The following POC1B variants were observed in gnomAD, a reference collection of about 807,000 sequenced individuals.
POC1B encodes POC1 centriolar protein B, also known as POC1 centriolar protein homolog B.
A neutral mutation model predicts 60.6 loss-of-function variants in POC1B; 44 were observed. The observed-to-expected ratio is 0.73, with a 90% CI of 0.57 to 0.93. The LOEUF (loss-of-function observed/expected upper bound fraction) is 0.93. POC1B is among the 40% of genes least tolerant of loss of function. POC1B has a pLI of 0.00. For missense variants in POC1B, 555 were observed against 572.3 expected (o/e 0.97, Z 0.31); for synonymous variants, 180 against 198.9 (o/e 0.90, Z 0.80).
chr12:89,502,379 A>T lies in POC1B; in HGVS notation c.101-5037T>A, dbSNP rs189404280. 3 of 1,592,498 alleles carry T rather than the reference A, an allele frequency of 1.9e-6. No homozygotes were observed. The Admixed American group carries it at 5.0e-5, about 27-fold the overall frequency. On this transcript the variant is annotated intron_variant, in intron 2 of 11. Coordinates refer to ENST00000313546, the MANE Select transcript of POC1B (RefSeq NM_172240.3). ...GAGTACTGGCGAGGACAGCAAATAG[A>T]TTATCAAGGAAGGCCATCAGGAGGA...
At position 89,467,700 on chromosome 12, in the gene POC1B, G is replaced by C. The variant is rs747455460; in HGVS notation, c.811-15C>G. On this transcript the variant is annotated splice_polypyrimidine_tract_variant and intron_variant, in intron 7 of 11. Transcript: ENST00000313546. ...AAGACAGGTCCCTGAGAAATAAAGG[G>C]AAATAAAGAAAAAAAGTACTTGGTA... 5.7e-6 allele frequency: 9 copies of C among 1,589,686 alleles called. No individual in the cohort carries two copies. The highest frequency in any genetic ancestry group is 1.3e-5 in the African/African-American group (1 of 74,284).
chr12:89,473,726 G>A (rs1882999355), intron 4 of POC1B, among the ~76,000 whole-genome samples: 1 of 149,828 alleles, frequency 6.7e-6, no homozygotes, highest in Non-Finnish European at 1.5e-5. Flanking sequence ...TTTCCATGCT[G>A]GGTAGTTTAC....
downstream of POC1B, among the ~76,000 whole-genome samples, chr12:89,415,672 TAAC>T (rs1189877360): frequency 4.6e-5 from 7 of 151,770 alleles, no homozygotes; most frequent in Non-Finnish European, 8.8e-5. Context: ...AAGAAAATAA[TAAC>T]AACAATAGCT....
intron 10 of POC1B, among the ~76,000 whole-genome samples, chr12:89,459,119 T>A (rs748809412): frequency 3.3e-5 from 5 of 152,112 alleles, no homozygotes; most frequent in Non-Finnish European, 7.4e-5. Context: ...CAATAGGGAA[T>A]CTGCTCTGCA....
At chr12:89,491,422 G>C (rs1426914188) in intron 4 of POC1B, among the ~76,000 whole-genome samples, 1 of 151,910 alleles carries the variant, frequency 6.6e-6, no homozygotes, top group African/African-American at 2.4e-5. Context: ...TGAGGAGTTT[G>C]AGACCAGCTT....
chr12:89,518,029 C>T (rs1476421397), intron 2 of POC1B, among the ~76,000 whole-genome samples: 4 of 151,378 alleles, frequency 2.6e-5, no homozygotes, highest in East Asian at 1.9e-4. Context: ...AAGCTTGGCA[C>T]GAATGAAAAA....
intron 10 of POC1B, 105 bp downstream of exon 10, chr12:89,459,533 G>A: frequency 1.8e-6 from 1 of 551,526 alleles, no homozygotes; most frequent in Non-Finnish European, 2.9e-6. Flanking sequence ...GGCTACATAG[G>A]CCACGTTTTA....
rs1460241420 is a variant in POC1B, at chr12:89,470,428, G to A, written c.743C>T (p.Ser248Leu). 1.2e-6 allele frequency: 2 copies of A among 1,606,638 alleles called. No individual in the cohort carries two copies. Among genetic ancestry groups the A allele is most frequent in the Admixed American group, 1.7e-5 (1 of 59,976 alleles). Reference sequence around the variant, plus strand: ...GTCCAGAATCTTAAGGGTACCATCTGAAGAAGCTGTGATGAGATAGTTACC... The same window carrying A: ...GTCCAGAATCTTAAGGGTACCATCTAAAGAAGCTGTGATGAGATAGTTACC... ...PSGNYLITAS[S>L]DGTLKILDLL... is the part of the protein sequence containing the mutation. Residue 248 changes from serine (S) to leucine (L), a missense_variant, in exon 7 of 12, where the codon TCA becomes TTA. Transcript: ENST00000313546.
At chr12:89,520,581 T>A (rs1240366584) in intron 2 of POC1B, 3 of 152,204 alleles carry the variant, frequency 2.0e-5, no homozygotes, top group African/African-American at 7.2e-5. Flanking sequence ...TGATAAACTT[T>A]AAGGCTGCTA....
At chr12:89,518,550 T>C (rs1870588668) in intron 2 of POC1B, among the ~76,000 whole-genome samples, 1 of 140,622 alleles carries the variant, frequency 7.1e-6, no homozygotes, top group Admixed American at 7.1e-5. Flanking sequence ...ACATTTAGTC[T>C]TTTAAAGTAC....
At chr12:89,512,611 C>A (rs114389212) in intron 2 of POC1B, among the ~76,000 whole-genome samples, 2,605 of 152,168 alleles carry the variant, frequency 0.017, 88 homozygotes, top group African/African-American at 0.06. Context: ...AAAAAATTAC[C>A]TGGGTTTCGT....
rs185360385 is a variant in POC1B at position 89,423,365 on chromosome 12, T to C, written c.1332+1796A>G. 6.8e-3 allele frequency among the ~76,000 whole-genome samples: 1,038 copies of C among 152,302 alleles called. 12 individuals are homozygous for C. The highest frequency in any genetic ancestry group is 0.024 in the African/African-American group (983 of 41,562). On this transcript the variant is annotated intron_variant, in intron 11 of 11. Transcript: ENST00000313546. ...ATTGCCCAGGTTGGTCTTGAACTCCTGGGCTCAAGCAATCCTTCTGCCTCG... is the reference window on the plus strand; with the variant it reads ...ATTGCCCAGGTTGGTCTTGAACTCCCGGGCTCAAGCAATCCTTCTGCCTCG...
At position 89,474,077 on chromosome 12, in the gene POC1B, G is replaced by A. The variant is rs180992360; in HGVS notation, c.453-1802C>T. Among the ~76,000 whole-genome samples the A allele has an allele frequency of 2.3e-3, 357 of 152,012 alleles. 1 individual carries two copies. The highest frequency in any genetic ancestry group is 8.1e-3 in the African/African-American group (334 of 41,448). ...AAAAATTAGTGGGGCATGGTGGCAG[G>A]TGCCTGTAATCCCAGCTACTTAGGA... On this transcript the variant is annotated intron_variant, in intron 4 of 11. Transcript: ENST00000313546.
chr12:89,421,974 A>G (rs971129169), intron 11 of POC1B, among the ~76,000 whole-genome samples: 2 of 152,178 alleles, frequency 1.3e-5, no homozygotes, highest in African/African-American at 2.4e-5. Flanking sequence ...TATGTTTTAT[A>G]TATATGTTAA....
the POC1B span, among the ~76,000 whole-genome samples, chr12:89,406,487 T>C: frequency 6.6e-6 from 1 of 152,120 alleles, no homozygotes; most frequent in Admixed American, 6.6e-5. Flanking sequence ...AAATAAAACT[T>C]AAACTAAAGG....
chr12:89,499,897 A>C (rs562610754), intron 2 of POC1B, among the ~76,000 whole-genome samples: 51 of 152,396 alleles, frequency 3.3e-4, no homozygotes, highest in Middle Eastern at 3.4e-3. Context: ...TTGAGGGCAG[A>C]GCCAATGGCC....
chr12:89,441,133 G>C (rs1881495977), intron 10 of POC1B, among the ~76,000 whole-genome samples: 1 of 152,214 alleles, frequency 6.6e-6, no homozygotes, highest in African/African-American at 2.4e-5. Flanking sequence ...GAACAGGGTG[G>C]AACCCACCAC....
chr12:89,453,428 T>G (rs1419160501), intron 10 of POC1B, among the ~76,000 whole-genome samples: 1 of 152,182 alleles, frequency 6.6e-6, no homozygotes, highest in Non-Finnish European at 1.5e-5. Context: ...GTTCATTTCC[T>G]TTCATACCCT....
chr12:89,525,809 C>A, intron 1 of POC1B, 72 bp downstream of exon 1: 1 of 1,393,974 alleles, frequency 7.2e-7, no homozygotes, highest in Non-Finnish European at 9.4e-7. Flanking sequence ...GCGGCTTCGG[C>A]CCGGACCTGG....
Sources: gnomAD v4.1 joint callset for allele counts (sites outside exome capture counted in the v4.1 genomes callset) on GRCh38, gnomAD v4.1.1 for gene constraint, MANE v1.5 for transcripts, NCBI Gene and HGNC (gene_info 2026-07-23, HGNC 2026-07-21) for gene names.